EZR: variants seen among roughly 807,000 people sequenced by gnomAD.
EZR encodes the protein ezrin.
A neutral mutation model predicts 74.8 loss-of-function variants in EZR; 40 were observed. That is an observed-to-expected ratio of 0.53 (90% confidence interval 0.42 to 0.70). EZR has a LOEUF of 0.70. Ranked by LOEUF, EZR falls within the 30% of genes least tolerant of loss-of-function variation. The pLI, the probability that EZR is intolerant of heterozygous loss-of-function variation, is 0.00. For synonymous variants in EZR, 341 were observed against 283.3 expected, an observed-to-expected ratio of 1.20 and a Z score of -2.05; for missense variants, 678 against 755.8, an observed-to-expected ratio of 0.90 and a Z score of 1.21.
intron 2 of EZR, among the ~76,000 whole-genome samples, chr6:158,811,273 A>G (rs1448514914): frequency 1.3e-5 from 2 of 152,192 alleles, no homozygotes; most frequent in East Asian, 1.9e-4. Context: ...GAAATGAAAT[A>G]AGGGATAATT....
At chr6:158,793,736 A>G (rs1791802406) in intron 2 of EZR, among the ~76,000 whole-genome samples, 1 of 152,158 alleles carries the variant, frequency 6.6e-6, no homozygotes, top group South Asian at 2.1e-4. Flanking sequence ...ACATTTCCAA[A>G]TGCTCTATGG....
At chr6:158,786,225 T>A (rs967804963) in intron 4 of EZR, among the ~76,000 whole-genome samples, 1 of 151,796 alleles carries the variant, frequency 6.6e-6, no homozygotes, top group Non-Finnish European at 1.5e-5. Flanking sequence ...TACAAAAAAA[T>A]TAGCCGGGCA....
chr6:158,787,002 A>C, intron 4 of EZR, 106 bp downstream of exon 4: 1 of 903,590 alleles, frequency 1.1e-6, no homozygotes, highest in Non-Finnish European at 1.7e-6. Flanking sequence ...TTACACAAAC[A>C]AAAAGGAACA....
chr6:158,813,113 A>G (rs776782958), intron 2 of EZR, among the ~76,000 whole-genome samples: 67 of 152,188 alleles, frequency 4.4e-4, no homozygotes, highest in Non-Finnish European at 7.3e-4. Flanking sequence ...AATGGCTTAC[A>G]AGGCATGGCC....
chr6:158,809,801 G>A (rs1777415283), intron 2 of EZR, among the ~76,000 whole-genome samples: 1 of 152,144 alleles, frequency 6.6e-6, no homozygotes, highest in African/African-American at 2.4e-5. Flanking sequence ...AGTATTTTAG[G>A]CTTTGAGGGT....
intron 6 of EZR, among the ~76,000 whole-genome samples, chr6:158,784,346 G>C (rs1033723010): frequency 6.6e-5 from 10 of 152,218 alleles, no homozygotes; most frequent in Admixed American, 3.9e-4. Context: ...GCTGATTGCA[G>C]GTGAACAATG....
intron 7 of EZR, 142 bp from the exon 8 acceptor site, chr6:158,776,646 T>G (rs940554478): frequency 1.4e-5 from 9 of 637,998 alleles, no homozygotes; most frequent in Non-Finnish European, 2.1e-5. Flanking sequence ...TTATATGCTA[T>G]TATCAAATAG....
At chr6:158,813,414 G>A (rs1465906657) in intron 2 of EZR, among the ~76,000 whole-genome samples, 1 of 152,198 alleles carries the variant, frequency 6.6e-6, no homozygotes, top group Non-Finnish European at 1.5e-5. Context: ...CCACTGACAG[G>A]GACTGTGTCT....
At chr6:158,792,877 A>T (rs3127225) in intron 2 of EZR, among the ~76,000 whole-genome samples, 117,399 of 151,146 alleles carry the variant, frequency 0.78, 47,472 homozygotes, top group African/African-American at 0.91. Context: ...ACACCTCCTA[A>T]CAAAAGGACT....
At chr6:158,787,335 G>T in intron 3 of EZR, 132 bp from the exon 4 acceptor site, 1 of 587,086 alleles carries the variant, frequency 1.7e-6, no homozygotes, top group Non-Finnish European at 3.0e-6. Flanking sequence ...TCCAACCACT[G>T]GGCAACATCT....
intron 2 of EZR, among the ~76,000 whole-genome samples, chr6:158,816,109 G>A (rs540882649): frequency 6.6e-6 from 1 of 152,302 alleles, no homozygotes; most frequent in East Asian, 1.9e-4. Context: ...ACCTGCATGA[G>A]GTATCTAAAG....
At chr6:158,777,738 G>A (rs925693562) in intron 7 of EZR, among the ~76,000 whole-genome samples, 18 of 152,162 alleles carry the variant, frequency 1.2e-4, no homozygotes, top group African/African-American at 4.1e-4. Flanking sequence ...GACTCTGTAG[G>A]CTGAGGGCAA....
At position 158,769,952 on chromosome 6, in the gene EZR, G is replaced by T; in HGVS notation, c.1091-8C>A. 6.2e-7 allele frequency: 1 copy of T among 1,608,454 alleles called. No individual in the cohort carries two copies. ...GAATCTGCTCCGAGAGCTCTGCAAAGACACAAAGCCAGAGCCATTCAAACC... is the reference window on the plus strand; with the variant it reads ...GAATCTGCTCCGAGAGCTCTGCAAATACACAAAGCCAGAGCCATTCAAACC... On this transcript the variant is annotated splice_region_variant and splice_polypyrimidine_tract_variant and intron_variant, in intron 10 of 13. Coordinates refer to ENST00000367075, the MANE Select transcript of EZR (RefSeq NM_001111077.2).
chr6:158,807,333 C>A (rs866443580), intron 2 of EZR, among the ~76,000 whole-genome samples: 169 of 136,370 alleles, frequency 1.2e-3, no homozygotes, highest in Middle Eastern at 3.8e-3. Flanking sequence ...AAAAAAAAAA[C>A]AAACAAAAAA....
chr6:158,780,076 G>T (rs140103370), intron 7 of EZR, among the ~76,000 whole-genome samples: 5 of 151,748 alleles, frequency 3.3e-5, no homozygotes, highest in African/African-American at 1.2e-4. Flanking sequence ...CTGGCTACTC[G>T]GGAGGCTGAG....
chr6:158,771,297 C>T lies in EZR; in HGVS notation c.906G>A (p.Val302=). ...CCCGGGCCTGGGCCTTCATCTGCTG[C>T]ACCTCGATGGTGTCAGGCTTCCTGC... ...MRRRKPDTIE[V]QQMKAQAREE... The change falls in exon 9 of 14, where the codon GTG becomes GTA. Residue 302 remains valine, a synonymous_variant. Coordinates refer to ENST00000367075, the MANE Select transcript of EZR (RefSeq NM_001111077.2). The T allele has an allele frequency of 6.2e-7, 1 of 1,614,168 alleles. No homozygotes were observed. The highest frequency in any genetic ancestry group is 1.1e-5 in the South Asian group (1 of 91,084).
At position 158,817,996 on chromosome 6, in the gene EZR, G is replaced by A. The variant is rs559346267; in HGVS notation, c.12+86C>T. 467 of 1,380,540 alleles carry A rather than the reference G, an allele frequency of 3.4e-4. 10 individuals carry two copies. In the South Asian group the frequency reaches 5.6e-3, roughly 17 times the overall value. The allele number at this position is 1,380,540 out of a possible 1,614,324, so 85.5% of individuals were successfully genotyped here. On this transcript the variant is annotated intron_variant, in intron 2 of 13. Transcript: ENST00000367075. The stretch of plus-strand genomic sequence containing the variant: ...CGTGTGAGAAGAACCCTGTTCCCCA[G>A]GAACTGCCCCAACACCTCGAGCAGG...
At chr6:158,793,151 T>C (rs1191948005) in intron 2 of EZR, among the ~76,000 whole-genome samples, 6 of 142,666 alleles carry the variant, frequency 4.2e-5, no homozygotes, top group Non-Finnish European at 7.6e-5. Context: ...CAAGACCCCA[T>C]CTCTCTACAA....
chr6:158,769,686 T>A (rs917405141), intron 11 of EZR, 98 bp downstream of exon 11: 1 of 1,499,760 alleles, frequency 6.7e-7, no homozygotes, highest in Non-Finnish European at 9.1e-7. Context: ...GTTTACAGCT[T>A]CCAGTCATGA....
Sources: allele counts gnomAD v4.1 joint callset (sites outside exome capture counted in the v4.1 genomes callset), GRCh38; gene constraint gnomAD v4.1.1; transcripts MANE v1.5; gene names NCBI Gene and HGNC (gene_info 2026-07-23, HGNC 2026-07-21).